The following ZSCAN26 variants were observed in gnomAD, a reference collection of about 807,000 sequenced individuals.
ZSCAN26 encodes the protein zinc finger and SCAN domain containing 26.
In ZSCAN26, 26 loss-of-function variants were observed where a neutral mutation model predicts 23.0. The ratio of observed to expected loss-of-function variants is 1.13; its 90% CI spans 0.83 to 1.57. The LOEUF is 1.57. ZSCAN26 is among the 40% of genes most tolerant of loss of function. ZSCAN26 has a pLI of 0.00. For missense variants in ZSCAN26, 528 were observed against 568.5 expected, an observed-to-expected ratio of 0.93 and a Z score of 0.72; for synonymous variants, 180 against 202.5, an observed-to-expected ratio of 0.89 and a Z score of 0.94.
intron 3 of ZSCAN26, among the ~76,000 whole-genome samples, chr6:28,275,857 T>C (rs1761908460): frequency 6.6e-6 from 1 of 152,184 alleles, no homozygotes; most frequent in Non-Finnish European, 1.5e-5. Context: ...TTTTTTATTT[T>C]CCATGTGACA....
intron 3 of ZSCAN26, among the ~76,000 whole-genome samples, chr6:28,274,429 A>G (rs1012619075): frequency 6.6e-6 from 1 of 152,218 alleles, no homozygotes; most frequent in African/African-American, 2.4e-5. Flanking sequence ...AATGATTACC[A>G]TGTAATCAGT....
intron 3 of ZSCAN26, among the ~76,000 whole-genome samples, chr6:28,274,988 A>C (rs1443255274): frequency 6.6e-6 from 1 of 152,084 alleles, no homozygotes; most frequent in Non-Finnish European, 1.5e-5. Context: ...GGGTCTTTGT[A>C]CACAGTACAT....
chr6:28,272,704 T>C lies in ZSCAN26; in HGVS notation c.455T>C (p.Val152Ala), dbSNP rs780687737. 1 of 1,612,348 alleles carries C rather than the reference T, an allele frequency of 6.2e-7. No homozygotes were observed. Among genetic ancestry groups the C allele is most frequent in the Non-Finnish European group, 8.5e-7 (1 of 1,179,240 alleles). ...CAGCCAAAGAAACAAAAAATACTTG[T>C]GGAGGAGATGGCCCCTCTGAAAGGA... Reference protein sequence around the residue: ...PDQPKKQKILVEEMAPLKGVQ... With the variant: ...PDQPKKQKILAEEMAPLKGVQ... Residue 152 changes from valine (V) to alanine (A), a missense_variant, in exon 3 of 4, where the codon GTG becomes GCG. Transcript: ENST00000421553.
chr6:28,273,006 CAA>C (rs1404074163), intron 3 of ZSCAN26, among the ~76,000 whole-genome samples: 5 of 152,142 alleles, frequency 3.3e-5, no homozygotes, highest in African/African-American at 1.2e-4. Flanking sequence ...GGACCACTAT[CAA>C]GAGATAAGAG....
rs909249453 is a variant in ZSCAN26, at chr6:28,277,010, C to G, written c.1354C>G (p.Gln452Glu). 6.2e-7 allele frequency: 1 copy of G among 1,613,866 alleles called. No homozygotes were observed. Among genetic ancestry groups the G allele is most frequent in the Admixed American group, 1.7e-5 (1 of 60,004 alleles). ...AATCCACAATGAAGAAAAACCCTATCAGTGTAGTGAATGTGGAGAAGCCTT... is the reference window on the plus strand; with the variant it reads ...AATCCACAATGAAGAAAAACCCTATGAGTGTAGTGAATGTGGAGAAGCCTT... The part of the protein sequence containing the change: ...VRIHNEEKPY[Q>E]CSECGEAFRQ... Residue 452 changes from glutamine (Q) to glutamate (E), a missense_variant, in exon 4 of 4, where the codon CAG (glutamine) becomes GAG (glutamate). Physicochemically the swap from Gln to Glu is conservative, Grantham distance 29 (BLOSUM62 2). Coordinates refer to ENST00000421553, the MANE Select transcript of ZSCAN26 (RefSeq NM_001023560.4).
In ZSCAN26 at chr6:28,272,275, G is replaced by A. The variant is rs766725810; in HGVS notation, c.356G>A (p.Arg119Lys). Residue 119 changes from arginine to lysine, a missense_variant, in exon 2 of 4, where the codon AGG (arginine) becomes AAG (lysine). Physicochemically the swap from Arg to Lys is conservative, Grantham distance 26. Transcript: ENST00000421553. ...ARVQEHHPES[R>K]EDVVVVLEDL... ...GTGCAGGAGCATCACCCAGAGAGCA[G>A]GGAGGACGTGGTTGTTGTTCTGGAG... 3.7e-6 allele frequency: 6 copies of A among 1,601,348 alleles called. No homozygotes were observed. The highest frequency in any genetic ancestry group is 5.1e-6 in the Non-Finnish European group (6 of 1,173,756).
intron 1 of ZSCAN26, among the ~76,000 whole-genome samples, chr6:28,268,633 G>C (rs1346847966): frequency 2.6e-5 from 4 of 152,158 alleles, no homozygotes; most frequent in Non-Finnish European, 5.9e-5. Flanking sequence ...AGATATTTAA[G>C]CAATAGAATC....
Position 28,277,170 on chromosome 6 carries a change from G to A in ZSCAN26, c.*74G>A, listed in dbSNP as rs148763465. On this transcript the variant is annotated 3_prime_UTR_variant, in exon 4 of 4. Coordinates refer to ENST00000421553, the MANE Select transcript of ZSCAN26 (RefSeq NM_001023560.4). ...AAACAGCACTTTAGGAAAAGTCACC[G>A]TAGCCCACTGTGGCATCAGAAAATT... 69 of 1,460,908 alleles carry A rather than the reference G, an allele frequency of 4.7e-5. No homozygotes were observed. The East Asian group carries it at 1.0e-3, about 21-fold the overall frequency. 90.5% of individuals were successfully genotyped at this position (1,460,908 alleles called of 1,614,324 possible).
At chr6:28,271,226 A>G (rs1473500323) in intron 1 of ZSCAN26, among the ~76,000 whole-genome samples, 2 of 152,176 alleles carry the variant, frequency 1.3e-5, no homozygotes, top group Non-Finnish European at 2.9e-5. Flanking sequence ...GATGTTTCCC[A>G]GGATTCCGGC....
At position 28,276,492 on chromosome 6, in the gene ZSCAN26, G is replaced by T. The variant is rs759142165; in HGVS notation, c.836G>T (p.Arg279Ile). The T allele has an allele frequency of 6.2e-7, 1 of 1,613,848 alleles. No homozygotes were observed. The highest frequency in any genetic ancestry group is 8.5e-7 in the Non-Finnish European group (1 of 1,179,850). The change falls in exon 4 of 4, where the codon AGA becomes ATA. Residue 279 changes from arginine to isoleucine, a missense_variant. Physicochemically the swap from Arg to Ile is moderately conservative, Grantham distance 97. Transcript: ENST00000421553. ...ACAGGACATAAGAAAGTCCTCTCTA[G>T]AGAGAAAGGTCATCAGTGTCATGAG... ...SLTGHKKVLS[R>I]EKGHQCHECG...
chr6:28,272,588 AACAC>A, intron 2 of ZSCAN26, 78 bp from the exon 3 acceptor site: 2 of 1,191,118 alleles, frequency 1.7e-6, no homozygotes, highest in Middle Eastern at 3.9e-4. Flanking sequence ...TCTCTTTTTT[AACAC>A]CTAGGTGTTT....
rs972112881 is a variant in ZSCAN26 at position 28,276,974 on chromosome 6, C to T, written c.1318C>T (p.Gln440Ter). ...KAFRLNSHLA[Q>*]HVRIHNEEKP... ...CTTCCGACTAAACTCACACCTTGCT[C>T]AGCATGTAAGAATCCACAATGAAGA... Residue 440 changes from glutamine to a stop codon, truncating the protein, a stop_gained, in exon 4 of 4, where the codon CAG (glutamine) becomes TAG (stop). Transcript: ENST00000421553. LOFTEE classifies it high-confidence loss of function. 3 of 1,613,984 alleles carry T rather than the reference C, an allele frequency of 1.9e-6. No individual in the cohort carries two copies. Among genetic ancestry groups the T allele is most frequent in the Non-Finnish European group, 2.5e-6 (3 of 1,179,874 alleles).
Position 28,277,064 on chromosome 6 carries a change from C to G in ZSCAN26, c.1408C>G (p.Gln470Glu). 2.5e-6 allele frequency: 4 copies of G among 1,613,656 alleles called. No homozygotes were observed. ...FRQRSGLFQH[Q>E]RYHHKDKLA ...GCAAAGGTCAGGTCTTTTTCAACATCAGAGATATCACCACAAAGACAAACT... is the reference window on the plus strand; with the variant it reads ...GCAAAGGTCAGGTCTTTTTCAACATGAGAGATATCACCACAAAGACAAACT... The change falls in exon 4 of 4, where the codon CAG becomes GAG. Residue 470 changes from glutamine (Q) to glutamate (E), a missense_variant. Physicochemically the swap from Gln to Glu is conservative, Grantham distance 29. Transcript: ENST00000421553.
chr6:28,278,019 G>A lies in ZSCAN26; in HGVS notation c.*923G>A, dbSNP rs1393380436. The A allele has an allele frequency of 5.3e-5, 8 of 152,132 alleles. No homozygotes were observed. The highest frequency in any genetic ancestry group is 7.4e-5 in the Non-Finnish European group (5 of 68,024). 9.4% of individuals were successfully genotyped at this position (152,132 alleles called of 1,614,324 possible). ...TAAACAATAAAGTCAGCTTGGAGAGGAGATCATGATCTTTATACTGTGAAT... is the reference window on the plus strand; with the variant it reads ...TAAACAATAAAGTCAGCTTGGAGAGAAGATCATGATCTTTATACTGTGAAT... On this transcript the variant is annotated 3_prime_UTR_variant, in exon 4 of 4. Coordinates refer to ENST00000421553, the MANE Select transcript of ZSCAN26 (RefSeq NM_001023560.4).
At position 28,276,470 on chromosome 6, in the gene ZSCAN26, G is replaced by A. The variant is rs1581618587; in HGVS notation, c.814G>A (p.Gly272Arg). ...TGTGTGTCAGAGTTCCAGTCTTACA[G>A]GACATAAGAAAGTCCTCTCTAGAGA... is the stretch of plus-strand genomic sequence containing the variant. ...SDVCQSSSLT[G>R]HKKVLSREKG... The change falls in exon 4 of 4, where the codon GGA becomes AGA. Residue 272 changes from glycine (G) to arginine (R), a missense_variant. Physicochemically the swap from Gly to Arg is moderately radical, Grantham distance 125 (BLOSUM62 -2). Coordinates refer to ENST00000421553, the MANE Select transcript of ZSCAN26 (RefSeq NM_001023560.4). The A allele has an allele frequency of 6.2e-7, 1 of 1,613,914 alleles. No individual in the cohort carries two copies. Among genetic ancestry groups the A allele is most frequent in the African/African-American group, 1.3e-5 (1 of 75,038 alleles).
At position 28,276,798 on chromosome 6, in the gene ZSCAN26, T is replaced by G. The variant is rs757273930; in HGVS notation, c.1142T>G (p.Leu381Arg). The G allele has an allele frequency of 2.5e-6, 4 of 1,613,966 alleles. No individual in the cohort carries two copies. In the Admixed American group the frequency reaches 6.7e-5, roughly 27 times the overall value. Residue 381 changes from leucine to arginine, a missense_variant, in exon 4 of 4, where the codon CTC (leucine) becomes CGC (arginine). By Grantham distance (102) the Leu-to-Arg change is moderately radical. Transcript: ENST00000421553. ...GGAAAAACCTTTAGTCAGGCCTTAC[T>G]CCTCACCCACCATCAGAGAATCCAT... is the stretch of plus-strand genomic sequence containing the variant. ...ECGKTFSQAL[L>R]LTHHQRIHSH...
chr6:28,276,856 T>C lies in ZSCAN26; in HGVS notation c.1200T>C (p.Cys400=). ...CCAAAAGCCATCAATGTAACGAGTGTGGAAAAGCTTTCAGTTTGACCTCAG... is the reference window on the plus strand; with the variant it reads ...CCAAAAGCCATCAATGTAACGAGTGCGGAAAAGCTTTCAGTTTGACCTCAG... ...SHSKSHQCNE[C]GKAFSLTSDL... The change falls in exon 4 of 4, where the codon TGT becomes TGC. Residue 400 remains cysteine, a synonymous_variant. Coordinates refer to ENST00000421553, the MANE Select transcript of ZSCAN26 (RefSeq NM_001023560.4). The C allele has an allele frequency of 6.2e-7, 1 of 1,613,994 alleles. No individual in the cohort carries two copies. The highest frequency in any genetic ancestry group is 8.5e-7 in the Non-Finnish European group (1 of 1,179,882).
At chr6:28,268,958 CAAAAAT>C (rs1224387196) in intron 1 of ZSCAN26, among the ~76,000 whole-genome samples, 4 of 151,852 alleles carry the variant, frequency 2.6e-5, no homozygotes, top group African/African-American at 9.7e-5. Flanking sequence ...GCTAAAATTA[CAAAAAT>C]TAGCTGGGTG....
In ZSCAN26 at chr6:28,276,537, G is replaced by T. The variant is rs1275582262; in HGVS notation, c.881G>T (p.Arg294Met). The T allele has an allele frequency of 6.2e-7, 1 of 1,613,598 alleles. No homozygotes were observed. Among genetic ancestry groups the T allele is most frequent in the African/African-American group, 1.3e-5 (1 of 74,910 alleles). ...CATGAGTGTGGGAAAGCCTTTCAGA[G>T]GAGTTCACACCTCGTCAGACATCAG... ...QCHECGKAFQ[R>M]SSHLVRHQKI... Residue 294 changes from arginine (R) to methionine (M), a missense_variant, in exon 4 of 4, where the codon AGG becomes ATG. Physicochemically the swap from Arg to Met is moderately conservative, Grantham distance 91 (BLOSUM62 -1). Transcript: ENST00000421553.
Sources: gnomAD v4.1 joint callset for allele counts (sites outside exome capture counted in the v4.1 genomes callset) on GRCh38, gnomAD v4.1.1 for gene constraint, MANE v1.5 for transcripts, NCBI Gene and HGNC (gene_info 2026-07-23, HGNC 2026-07-21) for gene names.